The following TAFA4 variants were observed in gnomAD, a reference collection of about 807,000 sequenced individuals.
TAFA4 encodes chemokine-like protein TAFA-4.
A neutral mutation model predicts 21.1 loss-of-function variants in TAFA4; 20 were observed. The ratio of observed to expected loss-of-function variants is 0.95; its 90% CI spans 0.67 to 1.38. TAFA4 has a LOEUF of 1.38. Ranked by LOEUF, TAFA4 falls within the 40% of genes most tolerant of loss-of-function variation. TAFA4 has a pLI of 0.00. For synonymous variants in TAFA4, 71 were observed against 67.4 expected (o/e 1.05, Z -0.26); for missense variants, 211 against 180.9 (o/e 1.17, Z -0.95).
Position 68,762,338 on chromosome 3 carries a change from G to A in TAFA4, c.131-9320C>T, listed in dbSNP as rs117359534. Among the ~76,000 whole-genome samples the A allele has an allele frequency of 7.2e-5, 11 of 152,240 alleles. No homozygotes were observed. The East Asian group carries it at 2.1e-3, about 29-fold the overall frequency. On this transcript the variant is annotated intron_variant, in intron 3 of 5. Coordinates refer to ENST00000295569, the MANE Select transcript of TAFA4 (RefSeq NM_182522.5). The stretch of plus-strand genomic sequence containing the variant: ...AAATGGTGTTATCAAGGCAAGGAGA[G>A]AAATGAGAATGCCACCAATAGGATA...
intron 3 of TAFA4, among the ~76,000 whole-genome samples, chr3:68,771,339 A>T (rs1406495188): frequency 6.6e-6 from 1 of 152,232 alleles, no homozygotes; most frequent in Non-Finnish European, 1.5e-5. Context: ...TGTAACACAC[A>T]TCCACTGGGG....
chr3:68,815,694 G>C (rs1442834971), intron 3 of TAFA4, among the ~76,000 whole-genome samples: 2 of 152,160 alleles, frequency 1.3e-5, no homozygotes, highest in Non-Finnish European at 2.9e-5. Flanking sequence ...GGAGAAATAG[G>C]AACACTTTTA....
intron 3 of TAFA4, among the ~76,000 whole-genome samples, chr3:68,864,828 G>A (rs2089395612): frequency 6.6e-6 from 1 of 150,700 alleles, no homozygotes; most frequent in South Asian, 2.1e-4. Context: ...CAGCAACATG[G>A]AAGAATCATA....
In TAFA4 at chr3:68,915,926, A is replaced by G. The variant is rs114878044; in HGVS notation, c.-123+16314T>C. On this transcript the variant is annotated intron_variant, in intron 1 of 5. Transcript: ENST00000295569. Reference sequence around the variant, plus strand: ...CCATTCAATAAATATGGAATTGACCAAGATATGCTGAATTTATCTGCTCAT... The same window carrying G: ...CCATTCAATAAATATGGAATTGACCGAGATATGCTGAATTTATCTGCTCAT... The G allele has an allele frequency of 8.5e-4, 130 of 152,324 alleles. 2 individuals carry two copies. The highest frequency in any genetic ancestry group is 2.7e-3 in the African/African-American group (113 of 41,580). 9.4% of individuals were successfully genotyped at this position (152,324 alleles called of 1,614,324 possible).
chr3:68,907,308 A>C (rs373566349), intron 1 of TAFA4, among the ~76,000 whole-genome samples: 1 of 152,210 alleles, frequency 6.6e-6, no homozygotes, highest in East Asian at 1.9e-4. Flanking sequence ...TCAGTAGAAT[A>C]GCTTTGTTTC....
At chr3:68,775,069 C>T (rs1189783730) in intron 3 of TAFA4, among the ~76,000 whole-genome samples, 2 of 152,332 alleles carry the variant, frequency 1.3e-5, no homozygotes, top group African/African-American at 4.8e-5. Context: ...AGGATGTTAA[C>T]TGACATTTGT....
chr3:68,893,151 G>A (rs1007017762), intron 1 of TAFA4, among the ~76,000 whole-genome samples: 1 of 152,140 alleles, frequency 6.6e-6, no homozygotes, highest in Admixed American at 6.6e-5. Flanking sequence ...AAAACAGAAT[G>A]TCTAAGGATT....
intron 2 of TAFA4, 34 bp downstream of exon 2, chr3:68,885,141 T>C: frequency 1.2e-6 from 2 of 1,608,320 alleles, no homozygotes; most frequent in Non-Finnish European, 8.5e-7. Context: ...TTTGTAAAGA[T>C]ATCATGTCCA....
chr3:68,895,039 A>C (rs1365687902), intron 1 of TAFA4, among the ~76,000 whole-genome samples: 1 of 151,440 alleles, frequency 6.6e-6, no homozygotes, highest in African/African-American at 2.4e-5. Context: ...TTTCTTTTAG[A>C]TGGAGTCTCA....
At chr3:68,846,325 A>G (rs1704793075) in intron 3 of TAFA4, among the ~76,000 whole-genome samples, 1 of 151,846 alleles carries the variant, frequency 6.6e-6, no homozygotes, top group South Asian at 2.1e-4. Flanking sequence ...ATACTTGTGT[A>G]CGCTTCAGGA....
intron 3 of TAFA4, among the ~76,000 whole-genome samples, chr3:68,873,341 C>T (rs558129205): frequency 1.2e-3 from 114 of 91,554 alleles, no homozygotes; most frequent in African/African-American, 4.5e-3. Flanking sequence ...CAGACATACA[C>T]ACACACACAC....
At chr3:68,824,473 C>G (rs963031377) in intron 3 of TAFA4, among the ~76,000 whole-genome samples, 1 of 152,212 alleles carries the variant, frequency 6.6e-6, no homozygotes, top group African/African-American at 2.4e-5. Context: ...TTCCACCTCT[C>G]CTGCCTCCTC....
At chr3:68,805,378 T>C (rs1703670409) in intron 3 of TAFA4, among the ~76,000 whole-genome samples, 1 of 152,216 alleles carries the variant, frequency 6.6e-6, no homozygotes, top group Non-Finnish European at 1.5e-5. Flanking sequence ...AGTTCAACCA[T>C]TGTGGAAGTC....
intron 3 of TAFA4, among the ~76,000 whole-genome samples, chr3:68,872,038 C>T (rs1202024674): frequency 1.3e-5 from 2 of 152,092 alleles, no homozygotes; most frequent in African/African-American, 2.4e-5. Context: ...ATCCAGCAAT[C>T]CCATTGCTGG....
At chr3:68,843,693 C>A (rs6778376) in intron 3 of TAFA4, among the ~76,000 whole-genome samples, 49,405 of 152,002 alleles carry the variant, frequency 0.33, 8,318 homozygotes, top group Non-Finnish European at 0.37. Flanking sequence ...TACGGTCCAC[C>A]AATACCTAGT....
At chr3:68,817,027 G>C (rs1703994793) in intron 3 of TAFA4, among the ~76,000 whole-genome samples, 1 of 152,076 alleles carries the variant, frequency 6.6e-6, no homozygotes, top group Non-Finnish European at 1.5e-5. Context: ...ACAATAATGA[G>C]GTTTGATGCA....
rs1004408865 is a variant in TAFA4 at position 68,739,849 on chromosome 3, A to C, written c.287-650T>G. 9.2e-5 allele frequency among the ~76,000 whole-genome samples: 14 copies of C among 152,344 alleles called. No individual in the cohort carries two copies. The South Asian group carries it at 1.0e-3, about 11-fold the overall frequency. On this transcript the variant is annotated intron_variant, in intron 4 of 5. Coordinates refer to ENST00000295569, the MANE Select transcript of TAFA4 (RefSeq NM_182522.5). ...TGTACACAGAGACATAGAGTCATGG[A>C]ACAACAGAAATTGGAGACTTGGAAG...
At chr3:68,895,989 T>G (rs1032590567) in intron 1 of TAFA4, among the ~76,000 whole-genome samples, 5 of 152,146 alleles carry the variant, frequency 3.3e-5, no homozygotes, top group African/African-American at 1.2e-4. Flanking sequence ...CATGGTGAAT[T>G]ACATAATGTG....
chr3:68,882,097 C>T (rs1308302091), intron 2 of TAFA4, among the ~76,000 whole-genome samples: 3 of 152,196 alleles, frequency 2.0e-5, no homozygotes, highest in African/African-American at 7.2e-5. Context: ...GTTTGAAGAA[C>T]TTGGTGTTAA....
Sources: allele counts gnomAD v4.1 joint callset (sites outside exome capture counted in the v4.1 genomes callset), GRCh38; gene constraint gnomAD v4.1.1; transcripts MANE v1.5; gene names NCBI Gene and HGNC (gene_info 2026-07-23, HGNC 2026-07-21).